The following POR variants were observed in gnomAD, a reference collection of about 807,000 sequenced individuals.
POR encodes cytochrome p450 oxidoreductase.
A neutral mutation model predicts 84.0 loss-of-function variants in POR; 56 were observed. The ratio of observed to expected loss-of-function variants is 0.67; its 90% CI spans 0.54 to 0.83. The LOEUF is 0.83. POR is among the 40% of genes least tolerant of loss of function. The pLI is 0.00. For missense variants in POR, 938 were observed against 944.3 expected (o/e 0.99, Z 0.09); for synonymous variants, 414 against 400.5 (o/e 1.03, Z -0.40).
intron 8 of POR, chr7:75,983,316 G>A: frequency 1.8e-6 from 1 of 546,294 alleles, no homozygotes; most frequent in Non-Finnish European, 3.2e-6. Context: ...ACTCCAGCCT[G>A]GGTGGCAGAG....
chr7:75,954,227 C>G, intron 2 of POR, 47 bp downstream of exon 2: 1 of 1,530,904 alleles, frequency 6.5e-7, no homozygotes, highest in Non-Finnish European at 8.9e-7. Flanking sequence ...CTTCTGTCAC[C>G]ACTCCAAGCA....
chr7:75,950,354 T>G (rs1433726712), intron 1 of POR, among the ~76,000 whole-genome samples: 1 of 152,228 alleles, frequency 6.6e-6, no homozygotes, highest in East Asian at 1.9e-4. Context: ...TGAGAAGGAC[T>G]TCACATCATG....
intron 1 of POR, among the ~76,000 whole-genome samples, chr7:75,925,751 G>A (rs1554549401): frequency 6.6e-6 from 1 of 152,226 alleles, no homozygotes; most frequent in African/African-American, 2.4e-5. Flanking sequence ...GAACAGGAGT[G>A]TTCCCACAGG....
chr7:75,923,518 G>T, intron 1 of POR: 1 of 465,264 alleles, frequency 2.1e-6, no homozygotes, highest in Non-Finnish European at 3.9e-6. Flanking sequence ...GGGCGGGGTG[G>T]AATTTTTATC....
At chr7:75,937,203 C>T (rs1554550963) in intron 1 of POR, among the ~76,000 whole-genome samples, 1 of 151,036 alleles carries the variant, frequency 6.6e-6, no homozygotes, top group African/African-American at 2.4e-5. Flanking sequence ...TGCCTGCAAT[C>T]CCAGCACTTG....
At chr7:75,919,546 G>C (rs142188317) in intron 1 of POR, among the ~76,000 whole-genome samples, 14 of 151,982 alleles carry the variant, frequency 9.2e-5, no homozygotes, top group African/African-American at 1.7e-4. Flanking sequence ...TTCTCTCTCT[G>C]TATGTTTATT....
At chr7:75,982,559 A>C (rs1327883713) in intron 8 of POR, among the ~76,000 whole-genome samples, 1 of 152,224 alleles carries the variant, frequency 6.6e-6, no homozygotes, top group Non-Finnish European at 1.5e-5. Flanking sequence ...GCAGCGGGGC[A>C]CATCCCACTT....
chr7:75,925,599 C>T (rs2116232809), intron 1 of POR, among the ~76,000 whole-genome samples: 1 of 152,244 alleles, frequency 6.6e-6, no homozygotes, highest in East Asian at 1.9e-4. Flanking sequence ...GGTCAGCAGC[C>T]CATGTACTCA....
chr7:75,966,431 G>GCAGAGCCCACTCTCCGTCCTGC (rs1554555263), intron 2 of POR, among the ~76,000 whole-genome samples: 1 of 152,200 alleles, frequency 6.6e-6, no homozygotes, highest in African/African-American at 2.4e-5. Context: ...GGTCCGCCTA[G>GCAGAGCCCACTCTCCGTCCTGC]CAGAGCCCAC....
chr7:75,984,668 G>A, intron 10 of POR, 109 bp from the exon 11 acceptor site: 1 of 956,560 alleles, frequency 1.0e-6, no homozygotes, highest in Non-Finnish European at 1.7e-6. Flanking sequence ...CACCAGCTGG[G>A]GCACCTGTTG....
chr7:75,957,911 G>A (rs1787756651), intron 2 of POR, among the ~76,000 whole-genome samples: 1 of 152,168 alleles, frequency 6.6e-6, no homozygotes, highest in East Asian at 1.9e-4. Context: ...GAAGTTGGGT[G>A]CTCAAGGTTG....
intron 2 of POR, among the ~76,000 whole-genome samples, chr7:75,962,105 G>A (rs1196790301): frequency 6.6e-6 from 1 of 152,098 alleles, no homozygotes; most frequent in Non-Finnish European, 1.5e-5. Flanking sequence ...TAATTCTTCA[G>A]CATCGTTAGA....
Position 75,981,182 on chromosome 7 carries a change from C to T in POR, c.641+10C>T. On this transcript the variant is annotated intron_variant, in intron 6 of 15. Transcript: ENST00000461988. The stretch of plus-strand genomic sequence containing the variant: ...GCGACGACGATGGGAAGTGAGTGCC[C>T]ACCCTGCCACCATGATCAGCGCGGC... 4 of 1,531,536 alleles carry T rather than the reference C, an allele frequency of 2.6e-6. No homozygotes were observed. Among genetic ancestry groups the T allele is most frequent in the African/African-American group, 2.7e-5 (2 of 72,870 alleles). 94.9% of individuals were successfully genotyped at this position (1,531,536 alleles called of 1,614,324 possible).
intron 2 of POR, among the ~76,000 whole-genome samples, chr7:75,970,321 C>T (rs1374977189): frequency 1.3e-5 from 2 of 151,784 alleles, no homozygotes; most frequent in African/African-American, 2.4e-5. Flanking sequence ...ACAGGGTCTC[C>T]CTCTGTCTCC....
At chr7:75,958,243 A>G (rs1052505156) in intron 2 of POR, among the ~76,000 whole-genome samples, 2 of 152,104 alleles carry the variant, frequency 1.3e-5, no homozygotes, top group South Asian at 4.1e-4. Context: ...TGGCCTCCCA[A>G]GTAGCTGGGA....
chr7:75,980,975 G>A lies in POR; in HGVS notation c.517-73G>A, dbSNP rs371273681. On this transcript the variant is annotated intron_variant, in intron 5 of 15. Coordinates refer to ENST00000461988, the MANE Select transcript of POR (RefSeq NM_000941.3). ...CTCAGCCAGTGCTGTGGGGCCTCCC[G>A]CCCTGCCCCCATGGCCCCTCCCACT... 53 of 1,472,396 alleles carry A rather than the reference G, an allele frequency of 3.6e-5. No homozygotes were observed. In the East Asian group the frequency reaches 6.0e-4, roughly 17 times the overall value. The allele number at this position is 1,472,396 out of a possible 1,614,324, so 91.2% of individuals were successfully genotyped here. A position where few individuals can be genotyped will look rare whatever the true frequency, so the allele number is the denominator to read the frequency against.
rs147263948 is a variant in POR, at chr7:75,969,056, G to A, written c.189-3357G>A. Among the ~76,000 whole-genome samples the A allele has an allele frequency of 7.2e-5, 11 of 152,342 alleles. No individual in the cohort carries two copies. In the East Asian group the frequency reaches 1.9e-3, roughly 27 times the overall value. On this transcript the variant is annotated intron_variant, in intron 2 of 15. Coordinates refer to ENST00000461988, the MANE Select transcript of POR (RefSeq NM_000941.3). ...TTTCCCGGTTTCTTCAGCCATAAGC[G>A]TCTGCTCCCTTTGAAGCCCTGTGGC...
At position 75,973,575 on chromosome 7, in the gene POR, C is replaced by T. The variant is rs558756512; in HGVS notation, c.237+1114C>T. On this transcript the variant is annotated intron_variant, in intron 3 of 15. Transcript: ENST00000461988. ...TCAAGCAATCCTTCTGCCTCCGCCT[C>T]CCAAAGTGCTGGGACTGTAGGTGCG... is the stretch of plus-strand genomic sequence containing the variant. 5.0e-4 allele frequency among the ~76,000 whole-genome samples: 76 copies of T among 152,230 alleles called. 1 individual carries two copies. In the Middle Eastern group the frequency reaches 0.02, roughly 41 times the overall value.
intron 10 of POR, 49 bp from the exon 11 acceptor site, chr7:75,984,728 C>T: frequency 2.6e-6 from 4 of 1,562,890 alleles, no homozygotes; most frequent in Non-Finnish European, 3.5e-6. Context: ...GCCACCCATC[C>T]CCAGGAGGCG....
Sources: allele counts gnomAD v4.1 joint callset (sites outside exome capture counted in the v4.1 genomes callset), GRCh38; gene constraint gnomAD v4.1.1; transcripts MANE v1.5; gene names NCBI Gene and HGNC (gene_info 2026-07-23, HGNC 2026-07-21).